The following TENM2 variants were observed in gnomAD, a reference collection of about 807,000 sequenced individuals.
The protein encoded by TENM2 is teneurin-2.
In TENM2, 52 loss-of-function variants were observed where a neutral mutation model predicts 245.2. That is an observed-to-expected ratio of 0.21 (90% confidence interval 0.17 to 0.27). The LOEUF is 0.27. Ranked by LOEUF, TENM2 falls within the 10% of genes least tolerant of loss-of-function variation. The probability of loss-of-function intolerance (pLI) is 1.00; values close to 1 mark genes in which losing one functional copy is unlikely to be tolerated. For synonymous variants in TENM2, 1,363 were observed against 1,438.9 expected (o/e 0.95, Z 1.19); for missense variants, 3,046 against 3,666.8 (o/e 0.83, Z 4.37).
intron 5 of TENM2, among the ~76,000 whole-genome samples, chr5:168,021,009 A>G (rs1786094962): frequency 6.6e-6 from 1 of 152,238 alleles, no homozygotes; most frequent in African/African-American, 2.4e-5. Context: ...TCTCACAAGC[A>G]TATTTTTGTT....
At chr5:167,329,441 A>T (rs1298349676) in intron 1 of TENM2, among the ~76,000 whole-genome samples, 1 of 147,936 alleles carries the variant, frequency 6.8e-6, no homozygotes, top group Non-Finnish European at 1.5e-5. Context: ...TGTTCCAGCT[A>T]CCCGGGAGGC....
At chr5:168,157,759 G>A (rs933483280) in intron 12 of TENM2, among the ~76,000 whole-genome samples, 1 of 152,154 alleles carries the variant, frequency 6.6e-6, no homozygotes, top group African/African-American at 2.4e-5. Flanking sequence ...TAAAGAGTCA[G>A]AATTCTTTTG....
At chr5:168,072,732 G>A (rs1430619279) in intron 7 of TENM2, among the ~76,000 whole-genome samples, 1 of 152,140 alleles carries the variant, frequency 6.6e-6, no homozygotes, top group Non-Finnish European at 1.5e-5. Flanking sequence ...TACCTCATCA[G>A]GCTGTTGTAA....
At chr5:166,988,444 G>C in the TENM2 span, among the ~76,000 whole-genome samples, 1 of 152,100 alleles carries the variant, frequency 6.6e-6, no homozygotes, top group Non-Finnish European at 1.5e-5. Context: ...TTTTTGATGA[G>C]GGACTATTAT....
chr5:168,074,663 ACTCC>A (rs1791308426), intron 7 of TENM2, among the ~76,000 whole-genome samples: 1 of 150,250 alleles, frequency 6.7e-6, no homozygotes, highest in African/African-American at 2.5e-5. Flanking sequence ...TCTCCTCCTC[ACTCC>A]CTGGACTCCA....
At chr5:168,012,179 T>A (rs1785269309) in intron 5 of TENM2, among the ~76,000 whole-genome samples, 1 of 152,072 alleles carries the variant, frequency 6.6e-6, no homozygotes, top group African/African-American at 2.4e-5. Context: ...AAATGTACAG[T>A]CCCTCTGATC....
chr5:168,002,575 C>T (rs1316554528), intron 5 of TENM2, among the ~76,000 whole-genome samples: 1 of 152,166 alleles, frequency 6.6e-6, no homozygotes, highest in Non-Finnish European at 1.5e-5. Context: ...TTAAGGCTGC[C>T]TTATGCACCA....
At chr5:167,294,173 G>A (rs1238083958) in intron 1 of TENM2, 2 of 152,208 alleles carry the variant, frequency 1.3e-5, no homozygotes, top group African/African-American at 4.8e-5. Flanking sequence ...CAACTGACAA[G>A]ATGTTACCAT....
At chr5:167,211,004 C>T in the TENM2 span, among the ~76,000 whole-genome samples, 1 of 152,126 alleles carries the variant, frequency 6.6e-6, no homozygotes, top group East Asian at 1.9e-4. Context: ...GTGATGGACG[C>T]ACAAATATCT....
the TENM2 span, among the ~76,000 whole-genome samples, chr5:167,005,421 G>C: frequency 6.6e-6 from 1 of 152,076 alleles, no homozygotes; most frequent in Non-Finnish European, 1.5e-5. Flanking sequence ...ATAATGATAA[G>C]ATGTTGCTCT....
intron 10 of TENM2, among the ~76,000 whole-genome samples, chr5:168,123,916 T>C (rs1019492037): frequency 6.6e-6 from 1 of 152,238 alleles, no homozygotes; most frequent in Non-Finnish European, 1.5e-5. Flanking sequence ...AACCCTTAGA[T>C]TGAATGGAGG....
chr5:167,777,463 TCC>T (rs1341492045), intron 2 of TENM2, among the ~76,000 whole-genome samples: 1 of 152,252 alleles, frequency 6.6e-6, no homozygotes, highest in African/African-American at 2.4e-5. Flanking sequence ...TGCTATTTGA[TCC>T]AATCAGTGTT....
chr5:167,633,014 C>G (rs1293382123), intron 2 of TENM2, among the ~76,000 whole-genome samples: 1 of 152,038 alleles, frequency 6.6e-6, no homozygotes, highest in Non-Finnish European at 1.5e-5. Flanking sequence ...TTGCAAGACT[C>G]CTAGATTTTG....
rs541999678 is a variant in TENM2 at position 167,640,940 on chromosome 5, G to C, written c.503-235046G>C. Among the ~76,000 whole-genome samples, 13 of 118,208 alleles carry C rather than the reference G, an allele frequency of 1.1e-4. No homozygotes were observed. In the South Asian group the frequency reaches 3.2e-3, roughly 29 times the overall value. The allele number at this position is 118,208 out of a possible 152,430, so 77.5% of individuals were successfully genotyped here. ...TAAGCTTAGTGGTTCTCAAAGAGTG[G>C]TCCTCACATCAGCATATCACCACCA... On this transcript the variant is annotated intron_variant, in intron 2 of 28. Coordinates refer to ENST00000518659, the Ensembl canonical transcript of TENM2.
intron 2 of TENM2, among the ~76,000 whole-genome samples, chr5:167,477,320 G>T (rs1166843506): frequency 6.7e-6 from 1 of 148,614 alleles, no homozygotes; most frequent in African/African-American, 2.5e-5. Context: ...CTATGCCTTT[G>T]ACTCGTGCTA....
intron 2 of TENM2, among the ~76,000 whole-genome samples, chr5:167,584,659 C>T (rs1775351260): frequency 6.6e-6 from 1 of 151,668 alleles, no homozygotes; most frequent in African/African-American, 2.4e-5. Context: ...CCCTCCAGAC[C>T]GTATTCTCCC....
At chr5:167,638,849 G>A (rs1028535293) in intron 2 of TENM2, among the ~76,000 whole-genome samples, 3 of 152,178 alleles carry the variant, frequency 2.0e-5, no homozygotes, top group Non-Finnish European at 4.4e-5. Context: ...GTATAATGAG[G>A]AGATCTGTAG....
chr5:168,068,845 TTGTGTGTG>T (rs34926603), intron 7 of TENM2, among the ~76,000 whole-genome samples: 3 of 150,480 alleles, frequency 2.0e-5, no homozygotes, highest in African/African-American at 4.9e-5. Context: ...CTCTGTGTGT[TTGTGTGTG>T]TGTGTGTGTG....
intron 2 of TENM2, among the ~76,000 whole-genome samples, chr5:167,493,575 A>T (rs928043336): frequency 6.6e-6 from 1 of 152,138 alleles, no homozygotes; most frequent in African/African-American, 2.4e-5. Context: ...GCACTCAATA[A>T]ATATTTGCTA....
Sources: gnomAD v4.1 joint callset for allele counts (sites outside exome capture counted in the v4.1 genomes callset) on GRCh38, gnomAD v4.1.1 for gene constraint, MANE v1.5 for transcripts, NCBI Gene and HGNC (gene_info 2026-07-23, HGNC 2026-07-21) for gene names.